PCTP: variants seen among roughly 807,000 people sequenced by gnomAD.
PCTP encodes the protein START domain-containing protein 2.
In PCTP, 27 loss-of-function variants were observed where a neutral mutation model predicts 31.0. That is an observed-to-expected ratio of 0.87 (90% CI 0.64 to 1.20). The LOEUF (loss-of-function observed/expected upper bound fraction) is 1.20, where lower values mean the gene tolerates loss of function less well. Ranked by LOEUF, PCTP falls within the 50% of genes most tolerant of loss-of-function variation. The pLI is 0.00. For missense variants in PCTP, 287 were observed against 268.2 expected, an observed-to-expected ratio of 1.07 and a Z score of -0.49; for synonymous variants, 108 against 101.2, an observed-to-expected ratio of 1.07 and a Z score of -0.40.
intron 1 of PCTP, among the ~76,000 whole-genome samples, chr17:55,759,744 A>G (rs928645937): frequency 6.6e-6 from 1 of 152,196 alleles, no homozygotes; most frequent in African/African-American, 2.4e-5. Flanking sequence ...GATAAACACC[A>G]TAAATTGGAG....
At chr17:55,785,905 G>T (rs1288671015) in intron 2 of PCTP, among the ~76,000 whole-genome samples, 1 of 152,132 alleles carries the variant, frequency 6.6e-6, no homozygotes, top group Non-Finnish European at 1.5e-5. Flanking sequence ...TTAGTATATT[G>T]GTTCAGCTGT....
chr17:55,813,236 A>C (rs767825268), intron 3 of PCTP, among the ~76,000 whole-genome samples: 30 of 152,198 alleles, frequency 2.0e-4, no homozygotes, highest in Non-Finnish European at 3.7e-4. Flanking sequence ...ATGCTATTTA[A>C]ACAATATTAT....
chr17:55,775,768 C>T (rs1911294605), intron 5 of PCTP: 1 of 1,258,976 alleles, frequency 7.9e-7, no homozygotes, highest in Non-Finnish European at 1.0e-6. Context: ...TCCAGAAACA[C>T]TGTTTCAGAA....
At position 55,819,595 on chromosome 17, in the gene PCTP, TAAAC is replaced by T. The variant is rs150529545; in HGVS notation, c.318-3162_318-3159del. Among the ~76,000 whole-genome samples, 839 of 151,930 alleles carry T rather than the reference TAAAC, an allele frequency of 5.5e-3. 8 individuals are homozygous for T. Among genetic ancestry groups the T allele is most frequent in the African/African-American group, 0.019 (802 of 41,446 alleles). ...GGGAATCCCAAATCCACAAAATAAA[TAAAC>T]AAAAAATTAGCCAACCATGGTAGTG... On this transcript the variant is annotated intron_variant, in intron 3 of 3. Transcript: ENST00000572536.
At chr17:55,774,992 T>C in intron 5 of PCTP, 133 bp downstream of exon 5, 1 of 1,021,322 alleles carries the variant, frequency 9.8e-7, no homozygotes, top group South Asian at 1.4e-5. Context: ...ATGAAGAGTT[T>C]GGTTGAGTGA....
intron 3 of PCTP, among the ~76,000 whole-genome samples, chr17:55,796,299 A>G (rs1323731958): frequency 1.3e-5 from 2 of 152,000 alleles, no homozygotes; most frequent in Non-Finnish European, 2.9e-5. Context: ...AAACATGGAC[A>G]TTACATGGTT....
chr17:55,839,712 A>C (rs1419473039), intron 5 of PCTP, among the ~76,000 whole-genome samples: 1 of 151,646 alleles, frequency 6.6e-6, no homozygotes, highest in Non-Finnish European at 1.5e-5. Flanking sequence ...CGAGGTCAGG[A>C]GATCGAGACC....
the PCTP span, among the ~76,000 whole-genome samples, chr17:55,849,403 A>G: frequency 2.6e-5 from 4 of 152,138 alleles, no homozygotes; most frequent in Admixed American, 2.6e-4. Context: ...TGGGTAGATC[A>G]CCTGAGGTCA....
intron 3 of PCTP, among the ~76,000 whole-genome samples, chr17:55,797,721 C>T (rs1006557263): frequency 6.6e-6 from 1 of 151,952 alleles, no homozygotes; most frequent in African/African-American, 2.4e-5. Context: ...GTATTGAGAC[C>T]TGCCTCTAGT....
chr17:55,760,778 G>A (rs147094838), intron 1 of PCTP, among the ~76,000 whole-genome samples: 71 of 152,260 alleles, frequency 4.7e-4, no homozygotes, highest in Non-Finnish European at 8.7e-4. Flanking sequence ...TAGGGACTCA[G>A]GGGAGCATCT....
intron 3 of PCTP, among the ~76,000 whole-genome samples, chr17:55,772,706 A>G (rs745916591): frequency 1.4e-4 from 22 of 152,300 alleles, no homozygotes; most frequent in Admixed American, 7.8e-4. Flanking sequence ...TTTGAGTGGG[A>G]AACCCAAAAT....
chr17:55,837,653 C>T (rs1056847986), intron 5 of PCTP, among the ~76,000 whole-genome samples: 2 of 152,208 alleles, frequency 1.3e-5, no homozygotes, highest in African/African-American at 4.8e-5. Context: ...CACTCCAAAT[C>T]CTTTGCCAAA....
At chr17:55,841,353 G>C (rs1490408431) in intron 5 of PCTP, among the ~76,000 whole-genome samples, 1 of 152,232 alleles carries the variant, frequency 6.6e-6, no homozygotes, top group African/African-American at 2.4e-5. Flanking sequence ...CCACAGAGGA[G>C]AGGTTGTGGG....
chr17:55,764,859 A>G (rs1040956471), intron 1 of PCTP, among the ~76,000 whole-genome samples: 4 of 152,212 alleles, frequency 2.6e-5, no homozygotes, highest in African/African-American at 9.7e-5. Context: ...ATGTTCGTTC[A>G]TTTGTTTCTT....
chr17:55,781,323 C>G (rs1412362191), downstream of PCTP, among the ~76,000 whole-genome samples: 1 of 152,212 alleles, frequency 6.6e-6, no homozygotes, highest in Non-Finnish European at 1.5e-5. Context: ...GAAATCTTCC[C>G]CAACTTTTGT....
In PCTP at chr17:55,751,066, G is replaced by A; in HGVS notation, c.-38G>A. On this transcript the variant is annotated 5_prime_UTR_variant, in exon 1 of 6. Coordinates refer to ENST00000268896, the MANE Select transcript of PCTP (RefSeq NM_021213.4). ...CAGGCCCACACTAAGGGTGTCCGCGGCCTGCCCTCCAGGCGGAGGAGCCCG... is the reference window on the plus strand; with the variant it reads ...CAGGCCCACACTAAGGGTGTCCGCGACCTGCCCTCCAGGCGGAGGAGCCCG... The A allele has an allele frequency of 6.7e-7, 1 of 1,490,564 alleles. No homozygotes were observed. Among genetic ancestry groups the A allele is most frequent in the Non-Finnish European group, 8.9e-7 (1 of 1,122,620 alleles). 92.3% of individuals were successfully genotyped at this position (1,490,564 alleles called of 1,614,324 possible).
intron 5 of PCTP, chr17:55,775,564 C>A (rs1001208618): frequency 1.7e-6 from 2 of 1,156,068 alleles, no homozygotes; most frequent in Admixed American, 4.3e-5. Flanking sequence ...ATGTCTTCTA[C>A]TGCATAGAGG....
chr17:55,851,552 A>T, the PCTP span, among the ~76,000 whole-genome samples: 1 of 152,158 alleles, frequency 6.6e-6, no homozygotes, highest in Non-Finnish European at 1.5e-5. Context: ...ATTATGTCTA[A>T]ACTTTAATTA....
At chr17:55,772,920 A>G (rs1911092040) in intron 3 of PCTP, among the ~76,000 whole-genome samples, 1 of 152,156 alleles carries the variant, frequency 6.6e-6, no homozygotes, top group Non-Finnish European at 1.5e-5. Flanking sequence ...TACCAAACTC[A>G]CAGGGTCTTT....
Sources: gnomAD v4.1 joint callset for allele counts (sites outside exome capture counted in the v4.1 genomes callset) on GRCh38, gnomAD v4.1.1 for gene constraint, MANE v1.5 for transcripts, NCBI Gene and HGNC (gene_info 2026-07-23, HGNC 2026-07-21) for gene names.